Variants in PRRC2B observed in about 807,000 individuals in gnomAD.
The protein encoded by PRRC2B is proline rich coiled-coil 2B, also known as protein PRRC2B.
A neutral mutation model predicts 242.3 loss-of-function variants in PRRC2B; 68 were observed. That is an observed-to-expected ratio of 0.28 (90% CI 0.23 to 0.34). The LOEUF (loss-of-function observed/expected upper bound fraction) is 0.34. Ranked by LOEUF, PRRC2B falls within the 10% of genes least tolerant of loss-of-function variation. The probability of loss-of-function intolerance (pLI) is 1.00; values close to 1 mark genes in which losing one functional copy is unlikely to be tolerated. For missense variants in PRRC2B, 2,835 were observed against 2,954.8 expected, an observed-to-expected ratio of 0.96 and a Z score of 0.94; for synonymous variants, 1,228 against 1,173.6, an observed-to-expected ratio of 1.05 and a Z score of -0.95.
At chr9:131,412,169 GTC>G (rs1564276557) in intron 1 of PRRC2B, among the ~76,000 whole-genome samples, 1 of 152,096 alleles carries the variant, frequency 6.6e-6, no homozygotes, top group Non-Finnish European at 1.5e-5. Flanking sequence ...TACGTTGACC[GTC>G]TCTATCTTGA....
At position 131,448,546 on chromosome 9, in the gene PRRC2B, A is replaced by AAAAAAAAAAAAAAAAAAC. The variant is rs1838889690; in HGVS notation, c.1120+759_1120+760insCAAAAAAAAAAAAAAAAA. Among the ~76,000 whole-genome samples the AAAAAAAAAAAAAAAAAAC allele has an allele frequency of 4.9e-5, 5 of 101,994 alleles. 1 individual carries two copies. The highest frequency in any genetic ancestry group is 1.0e-4 in the Non-Finnish European group (5 of 49,442). 66.9% of individuals were successfully genotyped at this position (101,994 alleles called of 152,430 possible). A position where few individuals can be genotyped will look rare whatever the true frequency, so the allele number is the denominator to read the frequency against. On this transcript the variant is annotated intron_variant, in intron 9 of 31. Transcript: ENST00000683519. ...GCGACAGAGGGAGACACTGTCTCAA[A>AAAAAAAAAAAAAAAAAAC]AAAAAAAAAAAAAAAAAAAAAAAAG...
intron 13 of PRRC2B, among the ~76,000 whole-genome samples, chr9:131,469,034 T>G (rs1943470436): frequency 6.6e-6 from 1 of 152,154 alleles, no homozygotes; most frequent in Non-Finnish European, 1.5e-5. Context: ...GATGGGTAAG[T>G]CCTTCCTTAA....
rs143672813 is a variant in PRRC2B at position 131,410,180 on chromosome 9, G to A, written c.-52+15917G>A. ...GGAGGTAGGCAGGAACTTGGAGACC[G>A]CATATGGGCTTTCCAGCCAGAGTCC... On this transcript the variant is annotated intron_variant, in intron 1 of 31. Coordinates refer to ENST00000683519, the MANE Select transcript of PRRC2B (RefSeq NM_013318.4). Among the ~76,000 whole-genome samples, 635 of 152,324 alleles carry A rather than the reference G, an allele frequency of 4.2e-3. 6 individuals carry two copies. The highest frequency in any genetic ancestry group is 0.015 in the African/African-American group (603 of 41,552).
Position 131,446,123 on chromosome 9 carries a change from G to A in PRRC2B, c.614-278G>A, listed in dbSNP as rs1838792703. Reference sequence around the variant, plus strand: ...CATCTCTCTGGGTTGTGAGACTTGGGGAAGGGTGGTGATTGTTGCTTACTG... The same window carrying A: ...CATCTCTCTGGGTTGTGAGACTTGGAGAAGGGTGGTGATTGTTGCTTACTG... On this transcript the variant is annotated intron_variant, in intron 6 of 31. Coordinates refer to ENST00000683519, the MANE Select transcript of PRRC2B (RefSeq NM_013318.4). The surrounding 1 kb of genome is among the most constrained non-coding windows in gnomAD (Gnocchi z 4.1). Among the ~76,000 whole-genome samples the A allele has an allele frequency of 6.6e-6, 1 of 152,140 alleles. No homozygotes were observed. Among genetic ancestry groups the A allele is most frequent in the Admixed American group, 6.5e-5 (1 of 15,268 alleles).
At position 131,453,663 on chromosome 9, in the gene PRRC2B, C is replaced by G. The variant is rs540480164; in HGVS notation, c.1121-1413C>G. ...TCTCTCACCTCAGCCTCCGGAGTAGCTGGGACTACAGGTGTGCACCCCCAT... is the reference window on the plus strand; with the variant it reads ...TCTCTCACCTCAGCCTCCGGAGTAGGTGGGACTACAGGTGTGCACCCCCAT... On this transcript the variant is annotated intron_variant, in intron 9 of 31. Transcript: ENST00000683519. 3.9e-5 allele frequency among the ~76,000 whole-genome samples: 6 copies of G among 152,250 alleles called. No homozygotes were observed. In the East Asian group the frequency reaches 1.2e-3, roughly 29 times the overall value.
chr9:131,466,239 T>A (rs918172725), intron 12 of PRRC2B, among the ~76,000 whole-genome samples: 3 of 152,224 alleles, frequency 2.0e-5, no homozygotes, highest in Non-Finnish European at 2.9e-5. Context: ...TCATTTCTAG[T>A]TTTTCTTCTG....
At chr9:131,422,101 C>A (rs1837859785) in intron 1 of PRRC2B, among the ~76,000 whole-genome samples, 1 of 152,108 alleles carries the variant, frequency 6.6e-6, no homozygotes, top group Non-Finnish European at 1.5e-5. Flanking sequence ...TGTTCCCAGG[C>A]TGGAGTGCAG....
chr9:131,432,161 T>A (rs778432622), intron 2 of PRRC2B, among the ~76,000 whole-genome samples: 8 of 152,178 alleles, frequency 5.3e-5, no homozygotes, highest in Non-Finnish European at 7.3e-5. Context: ...TTCTTGTTGA[T>A]CCTTTTCACA....
chr9:131,493,865 C>G (rs1314961162), intron 30 of PRRC2B, among the ~76,000 whole-genome samples: 1 of 151,654 alleles, frequency 6.6e-6, no homozygotes, highest in Non-Finnish European at 1.5e-5. Flanking sequence ...TTTTTGACCG[C>G]AGACTTTTTT....
At chr9:131,450,995 T>C (rs1265671635) in intron 9 of PRRC2B, among the ~76,000 whole-genome samples, 2 of 152,244 alleles carry the variant, frequency 1.3e-5, no homozygotes, top group Admixed American at 1.3e-4. Flanking sequence ...GTCCTGAATG[T>C]CTTTTGTTAA....
chr9:131,484,330 A>C (rs2131466903), intron 23 of PRRC2B, among the ~76,000 whole-genome samples: 1 of 152,306 alleles, frequency 6.6e-6, no homozygotes, highest in South Asian at 2.1e-4. Context: ...CTGCCGGGAC[A>C]TGGCTCTCCC....
chr9:131,420,832 G>A lies in PRRC2B; in HGVS notation c.-51-9262G>A, dbSNP rs373828574. ...ACGTAGGGAGCCTCTGCAAGCTGGAGGTGTGGTGGGGGTTGGGTTAGGCTG... is the reference window on the plus strand; with the variant it reads ...ACGTAGGGAGCCTCTGCAAGCTGGAAGTGTGGTGGGGGTTGGGTTAGGCTG... On this transcript the variant is annotated intron_variant, in intron 1 of 31. Transcript: ENST00000683519. 1.2e-3 allele frequency among the ~76,000 whole-genome samples: 190 copies of A among 152,108 alleles called. 1 individual carries two copies. Among genetic ancestry groups the A allele is most frequent in the African/African-American group, 4.0e-3 (165 of 41,516 alleles).
intron 9 of PRRC2B, among the ~76,000 whole-genome samples, chr9:131,450,556 C>T (rs1369760816): frequency 1.3e-5 from 2 of 150,500 alleles, no homozygotes; most frequent in Non-Finnish European, 3.0e-5. Context: ...TGAGCCACTG[C>T]ACCCCACCTG....
intron 5 of PRRC2B, among the ~76,000 whole-genome samples, chr9:131,442,309 T>C (rs973107765): frequency 3.9e-5 from 6 of 152,090 alleles, no homozygotes; most frequent in Admixed American, 2.6e-4. Context: ...ATTTTTGTGA[T>C]TTTTGTAGAG....
chr9:131,470,454 A>G (rs984407502), intron 13 of PRRC2B, among the ~76,000 whole-genome samples: 3 of 152,050 alleles, frequency 2.0e-5, no homozygotes, highest in African/African-American at 7.2e-5. Flanking sequence ...AGAAGTGGCC[A>G]ATGTCCAGAC....
intron 5 of PRRC2B, among the ~76,000 whole-genome samples, chr9:131,442,151 T>C (rs548261414): frequency 6.6e-6 from 1 of 152,078 alleles, no homozygotes; most frequent in Non-Finnish European, 1.5e-5. Context: ...TGTTTTTTTT[T>C]AGGCAGGGTT....
chr9:131,494,566 A>G lies in PRRC2B; in HGVS notation c.6555+80A>G. 1 of 774,026 alleles carries G rather than the reference A, an allele frequency of 1.3e-6. No homozygotes were observed. The highest frequency in any genetic ancestry group is 1.7e-5 in the South Asian group (1 of 59,436). The allele number at this position is 774,026 out of a possible 1,614,324, so 47.9% of individuals were successfully genotyped here. On this transcript the variant is annotated intron_variant, in intron 31 of 31. Coordinates refer to ENST00000683519, the MANE Select transcript of PRRC2B (RefSeq NM_013318.4). This position sits in a 1 kb window ranked among gnomAD's most constrained non-coding sequence, Gnocchi z 4.3. ...GCGCCAAAAGAGAAGGGACTGTCCA[A>G]CCTATCTGAGCGCCCCCTGTCTAAA...
At chr9:131,381,454 T>C (rs1836758320) in intron 1 of PRRC2B, among the ~76,000 whole-genome samples, 1 of 148,540 alleles carries the variant, frequency 6.7e-6, no homozygotes, top group Non-Finnish European at 1.5e-5. Context: ...AGTCTTGCTC[T>C]GTCCCCCAGG....
At chr9:131,489,663 C>T (rs1212250704) in intron 28 of PRRC2B, among the ~76,000 whole-genome samples, 4 of 152,192 alleles carry the variant, frequency 2.6e-5, no homozygotes, top group Admixed American at 1.3e-4. Flanking sequence ...CATGACCTCC[C>T]TTTCTGTGTC....
Sources: gnomAD v4.1 joint callset for allele counts (sites outside exome capture counted in the v4.1 genomes callset) on GRCh38, gnomAD v4.1.1 for gene constraint, Gnocchi (gnomAD v3.1) non-coding constraint, MANE v1.5 for transcripts, NCBI Gene and HGNC (gene_info 2026-07-23, HGNC 2026-07-21) for gene names.